Variants in ZNF8 observed in about 807,000 individuals in gnomAD.
ZNF8 encodes the protein zinc finger protein 8, also known as zinc finger protein 272.
A neutral mutation model predicts 12.2 loss-of-function variants in ZNF8; 9 were observed. That is an observed-to-expected ratio of 0.73 (90% CI 0.44 to 1.28). ZNF8 has a LOEUF of 1.28. ZNF8 is among the 50% of genes most tolerant of loss of function. The pLI is 0.00. For missense variants in ZNF8, 664 were observed against 729.1 expected (o/e 0.91, Z 1.03); for synonymous variants, 274 against 282.3 (o/e 0.97, Z 0.30).
At position 58,295,386 on chromosome 19, in the gene ZNF8, C is replaced by G. The variant is rs140953458; in HGVS notation, c.1578C>G (p.Gly526=). 3.7e-6 allele frequency: 6 copies of G among 1,614,124 alleles called. No homozygotes were observed. Among genetic ancestry groups the G allele is most frequent in the South Asian group, 1.1e-5 (1 of 91,086 alleles). The change falls in exon 4 of 4, where the codon GGC becomes GGG. Residue 526 remains glycine, a synonymous_variant. Coordinates refer to ENST00000621650, the MANE Select transcript of ZNF8 (RefSeq NM_021089.3). ...QHPNSRKSSA[G]GAKAGQPESR... ...CGAACTCCAGAAAGAGCTCTGCAGG[C>G]GGAGCAAAGGCAGGGCAGCCGGAAA...
In ZNF8 at chr19:58,284,224, C is replaced by T. The variant is rs578116172; in HGVS notation, c.67-1493C>T. Reference sequence around the variant, plus strand: ...GATTGACAGAGTGAGACTCCCATCTCGAGAAAAAAAAAATAATAAATTATT... The same window carrying T: ...GATTGACAGAGTGAGACTCCCATCTTGAGAAAAAAAAAATAATAAATTATT... On this transcript the variant is annotated intron_variant, in intron 1 of 3. Transcript: ENST00000621650. Among the ~76,000 whole-genome samples, 188 of 139,350 alleles carry T rather than the reference C, an allele frequency of 1.3e-3. 1 individual carries two copies. The highest frequency in any genetic ancestry group is 4.7e-3 in the African/African-American group (171 of 36,104). The allele number at this position is 139,350 out of a possible 152,430, so 91.4% of individuals were successfully genotyped here.
At chr19:58,283,006 T>A (rs1600452397) in intron 1 of ZNF8, among the ~76,000 whole-genome samples, 2 of 150,880 alleles carry the variant, frequency 1.3e-5, no homozygotes, top group East Asian at 1.9e-4. Flanking sequence ...AGACAGGATG[T>A]CACTCTGGTT....
chr19:58,295,077 G>A lies in ZNF8; in HGVS notation c.1269G>A (p.Lys423=). ...ACCAGCGGAAGCACGCGGGGGAGAA[G>A]CCCTTTGAGTGCCGCCAGAGGCTGA... is the stretch of plus-strand genomic sequence containing the variant. ...AQHQRKHAGE[K]PFECRQRLIF... is the part of the protein sequence containing the mutation. Residue 423 remains lysine, a synonymous_variant, in exon 4 of 4, where the codon AAG becomes AAA. Coordinates refer to ENST00000621650, the MANE Select transcript of ZNF8 (RefSeq NM_021089.3). 1 of 1,614,054 alleles carries A rather than the reference G, an allele frequency of 6.2e-7. No homozygotes were observed. Among genetic ancestry groups the A allele is most frequent in the South Asian group, 1.1e-5 (1 of 91,088 alleles).
chr19:58,294,174 G>T lies in ZNF8; in HGVS notation c.366G>T (p.Thr122=). 1 of 1,613,986 alleles carries T rather than the reference G, an allele frequency of 6.2e-7. No individual in the cohort carries two copies. Among genetic ancestry groups the T allele is most frequent in the Non-Finnish European group, 8.5e-7 (1 of 1,179,876 alleles). The part of the protein sequence containing the change: ...GLPEEEPSHV[T]GREGFPTDAP... ...CTGAAGAGGAGCCATCCCATGTCAC[G>T]GGAAGGGAAGGATTCCCGACAGATG... The change falls in exon 4 of 4, where the codon ACG becomes ACT. Residue 122 remains threonine (T), a synonymous_variant. Transcript: ENST00000621650. The surrounding 1 kb of genome is among the most constrained non-coding windows in gnomAD (Gnocchi z 5.5).
At chr19:58,279,553 G>T in intron 1 of ZNF8, 1 of 1,524,264 alleles carries the variant, frequency 6.6e-7, no homozygotes. Flanking sequence ...TCATCGAATA[G>T]AGATGCTTTA....
chr19:58,295,019 A>G lies in ZNF8; in HGVS notation c.1211A>G (p.Lys404Arg), dbSNP rs150688885. 2.5e-6 allele frequency: 4 copies of G among 1,613,988 alleles called. No homozygotes were observed. In the African/African-American group the frequency reaches 4.0e-5, roughly 16 times the overall value. The change falls in exon 4 of 4, where the codon AAG becomes AGG. Residue 404 changes from lysine to arginine, a missense_variant. This residue lies in a region of ZNF8 where 225 missense variants were observed against 222.0 expected (regional missense o/e 1.01). Coordinates refer to ENST00000621650, the MANE Select transcript of ZNF8 (RefSeq NM_021089.3). The part of the protein sequence containing the change: ...ERPYECNHCG[K>R]GFRHSSSLAQ... ...CCCTACGAGTGTAACCACTGCGGGA[A>G]GGGCTTCAGGCACAGCTCATCCCTG...
intron 1 of ZNF8, among the ~76,000 whole-genome samples, chr19:58,283,356 T>C (rs769067040): frequency 7.2e-5 from 11 of 152,136 alleles, no homozygotes; most frequent in African/African-American, 2.7e-4. Context: ...AAATTTCATG[T>C]GTTGATAGTA....
intron 3 of ZNF8, among the ~76,000 whole-genome samples, chr19:58,289,802 CTT>C (rs879532036): frequency 1.4e-5 from 2 of 144,734 alleles, no homozygotes; most frequent in Non-Finnish European, 1.5e-5. Flanking sequence ...TTTCAAGATT[CTT>C]TTTTTTTTTT....
Position 58,278,983 on chromosome 19 carries a change from C to T in ZNF8, c.-99C>T. On this transcript the variant is annotated 5_prime_UTR_variant, in exon 1 of 4. Transcript: ENST00000621650. ...GTCGCCGCGTCGCCGGTGCGGCCGC[C>T]ATTGTCCGGCGTTCGGCGAGTCGGG... The T allele has an allele frequency of 3.0e-6, 4 of 1,322,380 alleles. No homozygotes were observed. Among genetic ancestry groups the T allele is most frequent in the Non-Finnish European group, 2.9e-6 (3 of 1,020,978 alleles). The allele number at this position is 1,322,380 out of a possible 1,614,324, so 81.9% of individuals were successfully genotyped here. A position where few individuals can be genotyped will look rare whatever the true frequency, so the allele number is the denominator to read the frequency against.
At chr19:58,287,556 C>T (rs2051391218) in intron 3 of ZNF8, among the ~76,000 whole-genome samples, 1 of 150,632 alleles carries the variant, frequency 6.6e-6, no homozygotes, top group South Asian at 2.1e-4. Context: ...CCAGGCTGGT[C>T]TCAAACTCCT....
At chr19:58,281,167 G>A (rs2147953073) in intron 1 of ZNF8, among the ~76,000 whole-genome samples, 1 of 152,286 alleles carries the variant, frequency 6.6e-6, no homozygotes, top group East Asian at 1.9e-4. Context: ...CCATTCACGT[G>A]TTTTAAGCAG....
At chr19:58,279,610 C>T (rs1209729437) in intron 1 of ZNF8, 6 of 1,533,918 alleles carry the variant, frequency 3.9e-6, no homozygotes, top group African/African-American at 1.4e-5. Context: ...CACCGCGGAG[C>T]CCCTGCCCTG....
Position 58,296,006 on chromosome 19 carries a change from T to C in ZNF8, c.*470T>C, listed in dbSNP as rs2051452669. 1 of 155,450 alleles carries C rather than the reference T, an allele frequency of 6.4e-6. No homozygotes were observed. The highest frequency in any genetic ancestry group is 2.4e-5 in the African/African-American group (1 of 41,504). The allele number at this position is 155,450 out of a possible 1,614,324, so 9.6% of individuals were successfully genotyped here. A position where few individuals can be genotyped will look rare whatever the true frequency, so the allele number is the denominator to read the frequency against. ...GGTATGATGTTGACCATGGCAATACTGTGAGGGGCCTTCCCATGTGGAACG... is the reference window on the plus strand; with the variant it reads ...GGTATGATGTTGACCATGGCAATACCGTGAGGGGCCTTCCCATGTGGAACG... On this transcript the variant is annotated 3_prime_UTR_variant, in exon 4 of 4. Transcript: ENST00000621650.
intron 1 of ZNF8, among the ~76,000 whole-genome samples, chr19:58,281,462 C>T (rs1600451476): frequency 1.3e-5 from 2 of 152,084 alleles, no homozygotes; most frequent in East Asian, 3.8e-4. Flanking sequence ...TGCTAGAATT[C>T]CAAGAAGGAA....
intron 3 of ZNF8, among the ~76,000 whole-genome samples, chr19:58,292,697 C>T (rs2051427167): frequency 6.6e-6 from 1 of 152,132 alleles, no homozygotes; most frequent in Non-Finnish European, 1.5e-5. Flanking sequence ...TATCTGGCTT[C>T]TTTCACTCAG....
At chr19:58,282,619 T>A (rs1230256453) in intron 1 of ZNF8, among the ~76,000 whole-genome samples, 1 of 146,656 alleles carries the variant, frequency 6.8e-6, no homozygotes, top group African/African-American at 2.7e-5. Flanking sequence ...GCTCTTACTT[T>A]TAATTTAATT....
intron 3 of ZNF8, chr19:58,286,483 A>C (rs774447215): frequency 1.8e-5 from 6 of 333,508 alleles, no homozygotes; most frequent in African/African-American, 1.3e-4. Context: ...CCCAGCACTC[A>C]GGTGTGACAC....
chr19:58,283,664 A>G (rs913198576), intron 1 of ZNF8, among the ~76,000 whole-genome samples: 5 of 149,390 alleles, frequency 3.3e-5, no homozygotes, highest in Non-Finnish European at 7.4e-5. Context: ...CAGTGGCGCA[A>G]TCTTGACTCA....
chr19:58,288,544 G>T (rs574963117), intron 3 of ZNF8, among the ~76,000 whole-genome samples: 2 of 152,272 alleles, frequency 1.3e-5, no homozygotes, highest in Admixed American at 1.3e-4. Context: ...ACCTCCTCTT[G>T]CACTGACCCT....
Sources: allele counts gnomAD v4.1 joint callset (sites outside exome capture counted in the v4.1 genomes callset), GRCh38; gene constraint gnomAD v4.1.1; regional missense constraint gnomAD v4.1.1; non-coding constraint Gnocchi (gnomAD v3.1); transcripts MANE v1.5; gene names NCBI Gene and HGNC (gene_info 2026-07-23, HGNC 2026-07-21).